The following CSE1L variants were observed in gnomAD, a reference collection of about 807,000 sequenced individuals.
The protein encoded by CSE1L is exportin-2.
Under a neutral mutation model 120.4 loss-of-function variants are expected in CSE1L, and 24 were observed. The ratio of observed to expected loss-of-function variants is 0.20; its 90% CI spans 0.14 to 0.28. The LOEUF (loss-of-function observed/expected upper bound fraction) is 0.28. CSE1L is among the 10% of genes least tolerant of loss of function. The pLI is 1.00. For synonymous variants in CSE1L, 402 were observed against 398.3 expected, an observed-to-expected ratio of 1.01 and a Z score of -0.11; for missense variants, 830 against 1,145.2, an observed-to-expected ratio of 0.72 and a Z score of 3.97.
intron 1 of CSE1L, among the ~76,000 whole-genome samples, chr20:49,056,561 G>T (rs1377921033): frequency 6.6e-6 from 1 of 152,122 alleles, no homozygotes; most frequent in African/African-American, 2.4e-5. Flanking sequence ...CCCTCAGTTT[G>T]CACCTAATTT....
chr20:49,060,904 T>C (rs2091847447), intron 2 of CSE1L, among the ~76,000 whole-genome samples: 1 of 152,204 alleles, frequency 6.6e-6, no homozygotes, highest in Non-Finnish European at 1.5e-5. Context: ...TCTTCAAAAC[T>C]TACCAATGTG....
chr20:49,076,496 A>G (rs7271812), intron 12 of CSE1L, among the ~76,000 whole-genome samples: 31,689 of 131,056 alleles, frequency 0.24, 3,568 homozygotes, highest in Non-Finnish European at 0.26. Context: ...TAAGCAGTTC[A>G]TGTTTTGAAG....
chr20:49,092,026 T>G lies in CSE1L; in HGVS notation c.2366-20T>G. The G allele has an allele frequency of 7.3e-7, 1 of 1,363,530 alleles. No individual in the cohort carries two copies. Among genetic ancestry groups the G allele is most frequent in the South Asian group, 1.2e-5 (1 of 81,682 alleles). 84.5% of individuals were successfully genotyped at this position (1,363,530 alleles called of 1,614,324 possible). ...GTGCGTGAGTTCTCTATGCTGATAT[T>G]CTGCATCTTCTTTCAACAGGTTTTT... On this transcript the variant is annotated intron_variant, in intron 21 of 24. Transcript: ENST00000262982.
At chr20:49,051,960 C>T (rs903196244) in intron 1 of CSE1L, among the ~76,000 whole-genome samples, 9 of 152,258 alleles carry the variant, frequency 5.9e-5, no homozygotes, top group East Asian at 3.9e-4. Context: ...CCTTCCAAAG[C>T]GCTGGGATTA....
intron 24 of CSE1L, 71 bp from the exon 25 acceptor site, chr20:49,096,278 C>G (rs2426129): frequency 2.5e-6 from 3 of 1,214,058 alleles, no homozygotes; most frequent in South Asian, 2.4e-5. Flanking sequence ...GCAGCTCTCC[C>G]GTAGAAGATG....
intron 3 of CSE1L, among the ~76,000 whole-genome samples, chr20:49,064,837 A>C (rs2091878721): frequency 6.6e-6 from 1 of 150,896 alleles, no homozygotes; most frequent in African/African-American, 2.4e-5. Flanking sequence ...TCTAGGATGC[A>C]TTCTAACTAG....
chr20:49,068,392 C>T (rs1185827478), intron 6 of CSE1L, among the ~76,000 whole-genome samples: 2 of 151,916 alleles, frequency 1.3e-5, no homozygotes, highest in Non-Finnish European at 2.9e-5. Flanking sequence ...ATCGAGACCA[C>T]CATGGCTAAC....
chr20:49,085,159 A>C, intron 15 of CSE1L, 124 bp from the exon 16 acceptor site: 1 of 707,480 alleles, frequency 1.4e-6, no homozygotes, highest in Non-Finnish European at 2.5e-6. Flanking sequence ...CTGTCTATCA[A>C]TTGTCAGTGG....
chr20:49,058,621 C>T, intron 2 of CSE1L, 73 bp downstream of exon 2: 2 of 1,134,634 alleles, frequency 1.8e-6, no homozygotes, highest in Non-Finnish European at 2.6e-6. Context: ...TATTATCTGC[C>T]TCCTTATAAA....
At chr20:49,077,952 C>T (rs1020525824) in intron 13 of CSE1L, among the ~76,000 whole-genome samples, 6 of 151,720 alleles carry the variant, frequency 4.0e-5, no homozygotes, top group South Asian at 2.1e-4. Context: ...TGCAGTGAGC[C>T]GAGATCGTGC....
chr20:49,095,295 T>C (rs951252519), intron 24 of CSE1L: 1 of 245,400 alleles, frequency 4.1e-6, no homozygotes, highest in Non-Finnish European at 7.7e-6. Flanking sequence ...CCATCTATTA[T>C]TAAAATGTGG....
intron 1 of CSE1L, among the ~76,000 whole-genome samples, chr20:49,050,240 A>G (rs1023081247): frequency 6.9e-6 from 1 of 145,834 alleles, no homozygotes; most frequent in Non-Finnish European, 1.5e-5. Context: ...ATTTTTGGAG[A>G]CAGGGTTTCA....
At chr20:49,051,807 T>C (rs943877062) in intron 1 of CSE1L, among the ~76,000 whole-genome samples, 1 of 152,182 alleles carries the variant, frequency 6.6e-6, no homozygotes, top group Non-Finnish European at 1.5e-5. Flanking sequence ...AACCAGTCCT[T>C]CTGCCTCAGC....
At position 49,090,926 on chromosome 20, in the gene CSE1L, T is replaced by C. The variant is rs200346370; in HGVS notation, c.2280-11T>C. 807 of 1,600,320 alleles carry C rather than the reference T, an allele frequency of 5.0e-4. 8 individuals carry two copies. The South Asian group carries it at 7.8e-3, about 16-fold the overall frequency. ...CTAAATTTATATTGTTGATTTTTTT[T>C]AATTCTTTAGTGAATCAGTTGACCA... On this transcript the variant is annotated splice_polypyrimidine_tract_variant and intron_variant, in intron 20 of 24. Coordinates refer to ENST00000262982, the MANE Select transcript of CSE1L (RefSeq NM_001316.4).
chr20:49,086,284 T>A (rs7274612), intron 16 of CSE1L, among the ~76,000 whole-genome samples: 32,759 of 151,676 alleles, frequency 0.22, 3,671 homozygotes, highest in Non-Finnish European at 0.24. Context: ...GATGTGTGTA[T>A]CTGGGTGTAT....
intron 17 of CSE1L, 101 bp downstream of exon 17, chr20:49,088,207 T>A: frequency 1.3e-6 from 1 of 781,608 alleles, no homozygotes; most frequent in Non-Finnish European, 2.1e-6. Context: ...AGAGAAGGTC[T>A]GTGAATTCTT....
At chr20:49,070,135 T>C in intron 7 of CSE1L, 70 bp from the exon 8 acceptor site, 1 of 721,226 alleles carries the variant, frequency 1.4e-6, no homozygotes. Context: ...GTCCACGTGG[T>C]AAGGGAACTT....
chr20:49,059,578 G>A (rs1026720947), intron 2 of CSE1L, among the ~76,000 whole-genome samples: 2 of 152,052 alleles, frequency 1.3e-5, no homozygotes, highest in Non-Finnish European at 2.9e-5. Flanking sequence ...ATGTTAGCAA[G>A]TAACTTCAAA....
chr20:49,050,543 C>T (rs1012953082), intron 1 of CSE1L, among the ~76,000 whole-genome samples: 11 of 151,532 alleles, frequency 7.3e-5, no homozygotes, highest in African/African-American at 2.7e-4. Context: ...GCTGGGATTA[C>T]AGGCGCATGC....
Sources: gnomAD v4.1 joint callset for allele counts (sites outside exome capture counted in the v4.1 genomes callset) on GRCh38, gnomAD v4.1.1 for gene constraint, MANE v1.5 for transcripts, NCBI Gene and HGNC (gene_info 2026-07-23, HGNC 2026-07-21) for gene names.